The following MBD5 variants were observed in gnomAD, a reference collection of about 807,000 sequenced individuals.
The protein encoded by MBD5 is methyl-CpG binding domain protein 5, also known as methyl-CpG-binding domain protein 5.
A neutral mutation model predicts 117.3 loss-of-function variants in MBD5; 13 were observed. The ratio of observed to expected loss-of-function variants is 0.11; its 90% CI spans 0.07 to 0.18. MBD5 has a LOEUF of 0.18. MBD5 is among the 10% of genes least tolerant of loss of function. MBD5 has a pLI of 1.00. For synonymous variants in MBD5, 727 were observed against 766.4 expected (o/e 0.95, Z 0.85); for missense variants, 1,879 against 2,093.8 (o/e 0.90, Z 2.00).
chr2:148,052,247 G>A (rs1276204198), intron 1 of MBD5, among the ~76,000 whole-genome samples: 1 of 101,088 alleles, frequency 9.9e-6, no homozygotes, highest in Non-Finnish European at 1.8e-5. Context: ...TCTCACTCTT[G>A]TAGCCCAGGC....
chr2:148,483,857 T>G lies in MBD5; in HGVS notation c.3266T>G (p.Leu1089Arg). ...ASGLMTLNPQ[L>R]LGGVLNSASA... ...GGATTAATGACCTTGAATCCCCAGC[T>G]GTTGGGAGGTGTCCTGAACTCGGCA... The change falls in exon 9 of 14, where the codon CTG becomes CGG. Residue 1089 changes from leucine to arginine, a missense_variant. Leu to Arg is a moderately radical substitution (Grantham distance 102, BLOSUM62 -2). Coordinates refer to ENST00000642680, the MANE Select transcript of MBD5 (RefSeq NM_001378120.1). 1 of 1,550,582 alleles carries G rather than the reference T, an allele frequency of 6.4e-7. No homozygotes were observed. The highest frequency in any genetic ancestry group is 8.7e-7 in the Non-Finnish European group (1 of 1,146,974).
intron 2 of MBD5, among the ~76,000 whole-genome samples, chr2:148,219,763 T>G (rs1286549559): frequency 6.6e-6 from 1 of 152,164 alleles, no homozygotes; most frequent in African/African-American, 2.4e-5. Flanking sequence ...GGAAATCACA[T>G]TACCTAACTT....
intron 4 of MBD5, among the ~76,000 whole-genome samples, chr2:148,434,357 C>T (rs1043534361): frequency 1.3e-5 from 2 of 151,226 alleles, no homozygotes; most frequent in African/African-American, 2.4e-5. Context: ...TATGGGTTTT[C>T]CTGGCTCAAT....
At chr2:148,364,551 C>T (rs1486642426) in intron 4 of MBD5, among the ~76,000 whole-genome samples, 4 of 152,050 alleles carry the variant, frequency 2.6e-5, no homozygotes, top group East Asian at 1.9e-4. Flanking sequence ...GCTGGCAAAT[C>T]GGACAAAGTG....
chr2:148,269,478 G>A (rs1019100378), intron 3 of MBD5, among the ~76,000 whole-genome samples: 2 of 151,426 alleles, frequency 1.3e-5, no homozygotes, highest in African/African-American at 2.4e-5. Context: ...TTTTATATTT[G>A]AGAACTGCTT....
At chr2:148,249,879 G>C (rs1264244888) in intron 3 of MBD5, among the ~76,000 whole-genome samples, 1 of 152,184 alleles carries the variant, frequency 6.6e-6, no homozygotes, top group East Asian at 1.9e-4. Flanking sequence ...TTGACTGCAG[G>C]CCAGGGATGC....
intron 4 of MBD5, among the ~76,000 whole-genome samples, chr2:148,399,537 C>T (rs1574382440): frequency 6.6e-6 from 1 of 152,190 alleles, no homozygotes; most frequent in Admixed American, 6.5e-5. Context: ...TGCCTATCAG[C>T]TTAAGGAGAT....
intron 3 of MBD5, among the ~76,000 whole-genome samples, chr2:148,339,567 G>C (rs1238350260): frequency 2.0e-5 from 3 of 152,014 alleles, no homozygotes; most frequent in Non-Finnish European, 4.4e-5. Context: ...CATGCCTCCA[G>C]ATTAACAACA....
chr2:148,117,309 T>G (rs1364589258), intron 1 of MBD5, among the ~76,000 whole-genome samples: 2 of 148,986 alleles, frequency 1.3e-5, no homozygotes, highest in Non-Finnish European at 2.9e-5. Flanking sequence ...TAGTTCTTTC[T>G]TCTTTCCTTT....
At chr2:148,367,418 C>A (rs7425880) in intron 4 of MBD5, among the ~76,000 whole-genome samples, 76,261 of 151,974 alleles carry the variant, frequency 0.5, 19,421 homozygotes, top group East Asian at 0.75. Context: ...TAGACATGGG[C>A]AAAGCCTTCA....
chr2:148,221,788 T>C (rs1558978498), intron 2 of MBD5, among the ~76,000 whole-genome samples: 1 of 152,154 alleles, frequency 6.6e-6, no homozygotes, highest in Non-Finnish European at 1.5e-5. Flanking sequence ...ATTTTTGTTT[T>C]GATTGCCTGT....
At chr2:148,497,745 A>G (rs1681744614) in intron 11 of MBD5, among the ~76,000 whole-genome samples, 1 of 150,960 alleles carries the variant, frequency 6.6e-6, no homozygotes, top group Non-Finnish European at 1.5e-5. Flanking sequence ...TGATCACACC[A>G]CTGCACTCCA....
intron 11 of MBD5, among the ~76,000 whole-genome samples, chr2:148,501,673 C>T (rs1040979099): frequency 8.5e-5 from 13 of 152,148 alleles, no homozygotes; most frequent in Admixed American, 8.5e-4. Flanking sequence ...CCTCCACACA[C>T]ACACATATCC....
intron 3 of MBD5, among the ~76,000 whole-genome samples, chr2:148,336,882 A>C (rs1318627578): frequency 6.6e-6 from 1 of 152,116 alleles, no homozygotes; most frequent in Non-Finnish European, 1.5e-5. Flanking sequence ...TCTGGACTTC[A>C]TATACTGGAT....
At chr2:148,484,426 AG>A (rs1272965709) in intron 9 of MBD5, among the ~76,000 whole-genome samples, 2 of 152,112 alleles carry the variant, frequency 1.3e-5, no homozygotes, top group Non-Finnish European at 2.9e-5. Flanking sequence ...TCTTAAACCA[AG>A]TAGAGTCTCA....
intron 1 of MBD5, among the ~76,000 whole-genome samples, chr2:148,110,371 AAGTT>A (rs1696478743): frequency 6.6e-6 from 1 of 152,118 alleles, no homozygotes. Context: ...TCAGGAATGA[AAGTT>A]AGTTTGCATT....
At chr2:148,332,558 T>C (rs1004583253) in intron 3 of MBD5, among the ~76,000 whole-genome samples, 3 of 152,184 alleles carry the variant, frequency 2.0e-5, no homozygotes, top group Non-Finnish European at 1.5e-5. Flanking sequence ...TTGATTGATA[T>C]TGTGGCTGAG....
chr2:148,275,824 T>A (rs1057228976), intron 3 of MBD5, among the ~76,000 whole-genome samples: 1 of 152,118 alleles, frequency 6.6e-6, no homozygotes, highest in East Asian at 1.9e-4. Flanking sequence ...CTAGGAGAAT[T>A]TGTCAAAACA....
At chr2:148,462,964 C>A (rs142122063) in intron 6 of MBD5, among the ~76,000 whole-genome samples, 9 of 152,120 alleles carry the variant, frequency 5.9e-5, no homozygotes, top group Non-Finnish European at 1.2e-4. Flanking sequence ...TAATATTGCT[C>A]GGCATTTAAT....
Sources: allele counts gnomAD v4.1 joint callset (sites outside exome capture counted in the v4.1 genomes callset), GRCh38; gene constraint gnomAD v4.1.1; transcripts MANE v1.5; gene names NCBI Gene and HGNC (gene_info 2026-07-23, HGNC 2026-07-21).